NEURL3: variants seen among roughly 807,000 people sequenced by gnomAD.
NEURL3 encodes E3 ubiquitin-protein ligase NEURL3.
A neutral mutation model predicts 17.6 loss-of-function variants in NEURL3; 19 were observed. The ratio of observed to expected loss-of-function variants is 1.08; its 90% confidence interval spans 0.75 to 1.58. The LOEUF (loss-of-function observed/expected upper bound fraction) is 1.58. Ranked by LOEUF, NEURL3 falls within the 40% of genes most tolerant of loss-of-function variation. The pLI, the probability that NEURL3 is intolerant of heterozygous loss-of-function variation, is 0.00. For missense variants in NEURL3, 342 were observed against 379.6 expected, an observed-to-expected ratio of 0.90 and a Z score of 0.82; for synonymous variants, 180 against 161.4, an observed-to-expected ratio of 1.11 and a Z score of -0.87.
intron 1 of NEURL3, among the ~76,000 whole-genome samples, chr2:96,501,463 C>T (rs1413598574): frequency 6.6e-6 from 1 of 152,024 alleles, no homozygotes; most frequent in African/African-American, 2.4e-5. Context: ...CTGCTTGTCT[C>T]TCTTGTTTTC....
chr2:96,499,126 G>T lies in NEURL3; in HGVS notation c.586+252C>A. 2.5e-6 allele frequency: 3 copies of T among 1,220,476 alleles called. No individual in the cohort carries two copies. The East Asian group carries it at 8.6e-5, about 35-fold the overall frequency. 75.6% of individuals were successfully genotyped at this position (1,220,476 alleles called of 1,614,324 possible). On this transcript the variant is annotated intron_variant, in intron 3 of 3. Transcript: ENST00000451794. ...TGGCAAAGCATTTACAATGAATGTG[G>T]ATGATTTTTTAAAGCAAGAACAAAA...
intron 1 of NEURL3, among the ~76,000 whole-genome samples, chr2:96,501,205 G>GT (rs963858026): frequency 1.1e-4 from 16 of 152,120 alleles, no homozygotes; most frequent in Admixed American, 3.3e-4. Flanking sequence ...GTTATACACG[G>GT]TTTTTTTGTT....
In NEURL3 at chr2:96,500,874, C is replaced by T. The variant is rs752538369; in HGVS notation, c.79G>A (p.Ala27Thr). ...ALRFHAEAKG[A>T]QVRLDTRGCI... Reference sequence around the variant, plus strand: ...CCACGCGTGTCCAGACGCACCTGTGCGCCCTTGGCCTCGGCATGGAAGCGA... The same window carrying T: ...CCACGCGTGTCCAGACGCACCTGTGTGCCCTTGGCCTCGGCATGGAAGCGA... Residue 27 changes from alanine (A) to threonine (T), a missense_variant, in exon 2 of 4, where the codon GCA becomes ACA. Ala to Thr is a moderately conservative substitution (Grantham distance 58). Transcript: ENST00000451794. The T allele has an allele frequency of 2.4e-5, 37 of 1,545,180 alleles. No homozygotes were observed. The highest frequency in any genetic ancestry group is 5.5e-5 in the African/African-American group (4 of 72,524).
At chr2:96,506,964 C>T (rs568991863), upstream of NEURL3, among the ~76,000 whole-genome samples, 7 of 152,284 alleles carry the variant, frequency 4.6e-5, no homozygotes, top group South Asian at 8.3e-4. Flanking sequence ...CAGGCATACC[C>T]GCCACACACT....
upstream of NEURL3, among the ~76,000 whole-genome samples, chr2:96,506,371 A>T (rs1190605342): frequency 6.6e-6 from 1 of 152,194 alleles, no homozygotes; most frequent in Non-Finnish European, 1.5e-5. Context: ...ATGCTCAGCT[A>T]ATATTTCTGA....
At chr2:96,502,068 C>T (rs537146599) in intron 1 of NEURL3, among the ~76,000 whole-genome samples, 1 of 152,274 alleles carries the variant, frequency 6.6e-6, no homozygotes, top group Non-Finnish European at 1.5e-5. Flanking sequence ...TCCCTGACTT[C>T]CACAGGCCAA....
rs1157285400 is a variant in NEURL3, at chr2:96,504,877, C to CAAAAAAAAAAAAAA, written c.28+368_28+381dup. 8.9e-4 allele frequency among the ~76,000 whole-genome samples: 49 copies of CAAAAAAAAAAAAAA among 55,284 alleles called. 5 individuals are homozygous for CAAAAAAAAAAAAAA. The highest frequency in any genetic ancestry group is 1.2e-3 in the African/African-American group (19 of 15,850). 36.3% of individuals were successfully genotyped at this position (55,284 alleles called of 152,430 possible). A position where few individuals can be genotyped will look rare whatever the true frequency, so the allele number is the denominator to read the frequency against. ...TGGGCAACAGAGCGAGACTCCGTCT[C>CAAAAAAAAAAAAAA]AAAAAAAAAAAAAAAAAAAAAAAGA... is the stretch of plus-strand genomic sequence containing the variant. On this transcript the variant is annotated intron_variant, in intron 1 of 3. Transcript: ENST00000451794.
chr2:96,501,773 T>G (rs1469682816), intron 1 of NEURL3, among the ~76,000 whole-genome samples: 1 of 152,152 alleles, frequency 6.6e-6, no homozygotes, highest in South Asian at 2.1e-4. Flanking sequence ...ACCCCAGAAC[T>G]GCCTTAGCCG....
In NEURL3 at chr2:96,500,593, C is replaced by T. The variant is rs750541145; in HGVS notation, c.360G>A (p.Gly120=). 6 of 1,531,186 alleles carry T rather than the reference C, an allele frequency of 3.9e-6. No individual in the cohort carries two copies. The highest frequency in any genetic ancestry group is 1.7e-4 in the Middle Eastern group (1 of 5,966). The allele number at this position is 1,531,186 out of a possible 1,614,324, so 94.8% of individuals were successfully genotyped here. ...AVLPEGCALT[G]DLVRFWVDRR... ...GGTCCACCCAGAAGCGGACCAAGTC[C>T]CCAGTGAGCGCGCAGCCCTCAGGCA... The change falls in exon 2 of 4, where the codon GGG becomes GGA. Residue 120 remains glycine (G), a synonymous_variant. Transcript: ENST00000451794.
chr2:96,502,490 C>G (rs1223460393), intron 1 of NEURL3, among the ~76,000 whole-genome samples: 3 of 152,258 alleles, frequency 2.0e-5, no homozygotes, highest in African/African-American at 7.2e-5. Flanking sequence ...TCCTCACCTA[C>G]AAACGGCAGT....
chr2:96,505,071 A>T (rs1417200720), intron 1 of NEURL3, 188 bp downstream of exon 1: 2 of 168,356 alleles, frequency 1.2e-5, no homozygotes, highest in East Asian at 3.8e-4. Flanking sequence ...GAGATGTAGA[A>T]ACTGAGGCCC....
chr2:96,500,054 C>T (rs1433304651), intron 2 of NEURL3: 1 of 235,370 alleles, frequency 4.2e-6, no homozygotes, highest in African/African-American at 2.3e-5. Context: ...CCTGCAGGCA[C>T]TCTCCATGCG....
At chr2:96,505,483 C>A (rs1413953949), upstream of NEURL3, 6 of 618,798 alleles carry the variant, frequency 9.7e-6, no homozygotes, top group Non-Finnish European at 1.7e-5. Context: ...TCCTGACTCG[C>A]AGACTGACCT....
At chr2:96,503,487 G>A (rs1217641940) in intron 1 of NEURL3, among the ~76,000 whole-genome samples, 2 of 152,182 alleles carry the variant, frequency 1.3e-5, no homozygotes, top group African/African-American at 2.4e-5. Context: ...GGACCTGGCA[G>A]GGCAGCAAAA....
At position 96,497,878 on chromosome 2, in the gene NEURL3, C is replaced by T; in HGVS notation, c.*366G>A. 1 of 198,644 alleles carries T rather than the reference C, an allele frequency of 5.0e-6. No individual in the cohort carries two copies. Among genetic ancestry groups the T allele is most frequent in the Non-Finnish European group, 1.0e-5 (1 of 98,268 alleles). 12.3% of individuals were successfully genotyped at this position (198,644 alleles called of 1,614,324 possible). ...CTTTATACATTCCTTGCAGATACCTCCTGCTTCAAGTCCAGGTTCTTCAAT... is the reference window on the plus strand; with the variant it reads ...CTTTATACATTCCTTGCAGATACCTTCTGCTTCAAGTCCAGGTTCTTCAAT... On this transcript the variant is annotated 3_prime_UTR_variant, in exon 4 of 4. Transcript: ENST00000451794.
intron 3 of NEURL3, chr2:96,499,029 C>T (rs1045742796): frequency 3.7e-5 from 9 of 240,658 alleles, no homozygotes; most frequent in East Asian, 1.8e-4. Context: ...CCTCCTGCCT[C>T]GGCCTCCCAA....
chr2:96,507,609 G>A (rs536470387), upstream of NEURL3, among the ~76,000 whole-genome samples: 3 of 152,160 alleles, frequency 2.0e-5, no homozygotes, highest in Non-Finnish European at 2.9e-5. Flanking sequence ...GGACTGTGGC[G>A]CTCTCCATGA....
chr2:96,499,195 A>C, intron 3 of NEURL3, 183 bp downstream of exon 3: 1 of 1,405,786 alleles, frequency 7.1e-7, no homozygotes, highest in Non-Finnish European at 9.3e-7. Flanking sequence ...CTCACAGAGT[A>C]GGCAAATGCT....
chr2:96,503,716 C>T (rs2065532998), intron 1 of NEURL3, among the ~76,000 whole-genome samples: 1 of 152,190 alleles, frequency 6.6e-6, no homozygotes, highest in Non-Finnish European at 1.5e-5. Flanking sequence ...GTGTGATCAC[C>T]ACCTCCACTC....
Sources: gnomAD v4.1 joint callset for allele counts (sites outside exome capture counted in the v4.1 genomes callset) on GRCh38, gnomAD v4.1.1 for gene constraint, MANE v1.5 for transcripts, NCBI Gene and HGNC (gene_info 2026-07-23, HGNC 2026-07-21) for gene names.